RGS6: variants seen among roughly 807,000 people sequenced by gnomAD.
RGS6 encodes regulator of G protein signaling 6.
In RGS6, 30 loss-of-function variants were observed where a neutral mutation model predicts 78.5. The observed-to-expected ratio is 0.38, with a 90% CI of 0.29 to 0.52. The LOEUF is 0.52. Among genes scored for constraint, RGS6 ranks in the 20% least tolerant of loss-of-function variants. The pLI, the probability that RGS6 is intolerant of heterozygous loss-of-function variation, is 0.85. For missense variants in RGS6, 495 were observed against 609.7 expected (o/e 0.81, Z 1.98); for synonymous variants, 206 against 206.0 (o/e 1.00, Z 0.00).
intron 2 of RGS6, among the ~76,000 whole-genome samples, chr14:72,300,421 G>A (rs77256814): frequency 1.4e-3 from 210 of 152,320 alleles, no homozygotes; most frequent in African/African-American, 4.7e-3. Flanking sequence ...CCAGTGGGAA[G>A]GGGACAGTAC....
rs577106502 is a variant in RGS6 at position 72,403,189 on chromosome 14, T to C, written c.184+50995T>C. Among the ~76,000 whole-genome samples, 30 of 152,318 alleles carry C rather than the reference T, an allele frequency of 2.0e-4. No homozygotes were observed. In the South Asian group the frequency reaches 5.6e-3, roughly 28 times the overall value. ...AGCACTATTCACAATCGCTAAGATA[T>C]TGAATCAACCTAAGTGTCCATCGAC... On this transcript the variant is annotated intron_variant, in intron 3 of 17. Coordinates refer to ENST00000553525, the MANE Select transcript of RGS6 (RefSeq NM_001204424.2).
At chr14:71,965,198 G>A (rs766143692) in intron 2 of RGS6, among the ~76,000 whole-genome samples, 1 of 152,334 alleles carries the variant, frequency 6.6e-6, no homozygotes. Context: ...CTTCAGACTC[G>A]TAGTATGTAC....
intron 2 of RGS6, among the ~76,000 whole-genome samples, chr14:72,321,211 C>G (rs912390460): frequency 6.6e-6 from 1 of 151,680 alleles, no homozygotes; most frequent in Non-Finnish European, 1.5e-5. Context: ...CAAAGGTGAT[C>G]ACTGGAAAAA....
intron 2 of RGS6, among the ~76,000 whole-genome samples, chr14:71,975,484 A>T: frequency 6.7e-6 from 1 of 149,140 alleles, no homozygotes. Context: ...TTTTTGATGG[A>T]GGCTTGCTCT....
chr14:72,136,544 C>T (rs994207784), intron 2 of RGS6, among the ~76,000 whole-genome samples: 1 of 151,992 alleles, frequency 6.6e-6, no homozygotes, highest in East Asian at 1.9e-4. Flanking sequence ...AAAGGAGAAA[C>T]CCCTTATAAA....
intron 2 of RGS6, among the ~76,000 whole-genome samples, chr14:72,281,363 G>C (rs2061557464): frequency 6.6e-6 from 1 of 151,968 alleles, no homozygotes; most frequent in Non-Finnish European, 1.5e-5. Flanking sequence ...TGGCCAGGCT[G>C]GTCTTGAACT....
At chr14:72,195,690 A>G (rs780979261) in intron 2 of RGS6, among the ~76,000 whole-genome samples, 2 of 152,212 alleles carry the variant, frequency 1.3e-5, no homozygotes, top group African/African-American at 2.4e-5. Flanking sequence ...AGAACTTTTT[A>G]TAAGCGACTT....
At chr14:71,910,897 A>G in the RGS6 span, among the ~76,000 whole-genome samples, 126,553 of 152,102 alleles carry the variant, frequency 0.83, 52,870 homozygotes, top group Middle Eastern at 0.85. Flanking sequence ...GGACAGTGAC[A>G]GGGTGTGGAT....
At chr14:72,221,820 TGTGCTA>T (rs1428249811) in intron 2 of RGS6, among the ~76,000 whole-genome samples, 3 of 152,194 alleles carry the variant, frequency 2.0e-5, no homozygotes, top group Non-Finnish European at 4.4e-5. Context: ...AGAGTCGCTG[TGTGCTA>T]GTTGGCTTAG....
intron 2 of RGS6, among the ~76,000 whole-genome samples, chr14:72,334,067 A>C (rs117092013): frequency 2.0e-5 from 3 of 152,294 alleles, no homozygotes; most frequent in African/African-American, 7.2e-5. Context: ...TTAAACCTCC[A>C]TCTCCAACAC....
At chr14:72,479,919 G>C (rs932959151) in intron 12 of RGS6, among the ~76,000 whole-genome samples, 8 of 152,202 alleles carry the variant, frequency 5.3e-5, no homozygotes, top group African/African-American at 1.9e-4. Context: ...TGCTAGCAAT[G>C]CTCATGTCTG....
intron 2 of RGS6, among the ~76,000 whole-genome samples, chr14:72,116,592 C>T (rs2095891540): frequency 6.6e-6 from 1 of 151,860 alleles, no homozygotes; most frequent in African/African-American, 2.4e-5. Flanking sequence ...CAAAATCATC[C>T]TCAGTTGAGA....
intron 10 of RGS6, among the ~76,000 whole-genome samples, chr14:72,476,405 A>C (rs115019054): frequency 0.013 from 2,049 of 152,342 alleles, 34 homozygotes; most frequent in African/African-American, 0.045. Context: ...CAGTAAGTCC[A>C]GGGGGCGAGG....
intron 2 of RGS6, among the ~76,000 whole-genome samples, chr14:72,041,360 G>C (rs1025330791): frequency 2.0e-5 from 3 of 152,140 alleles, no homozygotes; most frequent in African/African-American, 7.2e-5. Context: ...TTTTTCAACA[G>C]TTTGTGTTCT....
chr14:72,120,867 G>T (rs1279568554), intron 2 of RGS6, among the ~76,000 whole-genome samples: 1 of 152,136 alleles, frequency 6.6e-6, no homozygotes, highest in Non-Finnish European at 1.5e-5. Flanking sequence ...CTTATTTTGC[G>T]GGATGGTTAC....
chr14:72,475,139 G>C (rs1020953116), intron 10 of RGS6, among the ~76,000 whole-genome samples: 5 of 151,858 alleles, frequency 3.3e-5, no homozygotes, highest in Non-Finnish European at 5.9e-5. Context: ...GCAAGAAGTG[G>C]CAAAGCTCAC....
chr14:72,453,398 G>A (rs932878495), intron 3 of RGS6, among the ~76,000 whole-genome samples: 21 of 151,432 alleles, frequency 1.4e-4, no homozygotes, highest in Non-Finnish European at 2.4e-4. Context: ...GGCGGATCAC[G>A]AGGTCAGGAG....
chr14:72,069,668 T>C (rs2094329341), intron 2 of RGS6, among the ~76,000 whole-genome samples: 1 of 151,996 alleles, frequency 6.6e-6, no homozygotes, highest in Admixed American at 6.6e-5. Context: ...GCCTCCAGAG[T>C]AACTGGGACT....
At chr14:71,873,879 C>T in the RGS6 span, among the ~76,000 whole-genome samples, 1 of 152,186 alleles carries the variant, frequency 6.6e-6, no homozygotes, top group Non-Finnish European at 1.5e-5. Flanking sequence ...GTTTTCCCAG[C>T]ACCATTTATT....
Sources: gnomAD v4.1 joint callset for allele counts (sites outside exome capture counted in the v4.1 genomes callset) on GRCh38, gnomAD v4.1.1 for gene constraint, MANE v1.5 for transcripts, NCBI Gene and HGNC (gene_info 2026-07-23, HGNC 2026-07-21) for gene names.